The following DCK variants were observed in gnomAD, a reference collection of about 807,000 sequenced individuals.
DCK encodes deoxyadenosine kinase.
In DCK, 23 loss-of-function variants were observed where a neutral mutation model predicts 38.3. The ratio of observed to expected loss-of-function variants is 0.60; its 90% confidence interval spans 0.43 to 0.85. The LOEUF (loss-of-function observed/expected upper bound fraction) is 0.85. Among genes scored for constraint, DCK ranks in the 40% least tolerant of loss-of-function variants. DCK has a pLI of 0.00. For synonymous variants in DCK, 108 were observed against 100.6 expected (o/e 1.07, Z -0.44); for missense variants, 259 against 304.4 (o/e 0.85, Z 1.11).
chr4:71,015,287 G>A (rs959329574), intron 2 of DCK, among the ~76,000 whole-genome samples: 1 of 152,128 alleles, frequency 6.6e-6, no homozygotes, highest in South Asian at 2.1e-4. Flanking sequence ...TGAGGCAATA[G>A]TTAAGAGCCT....
chr4:71,028,757 T>TG, intron 6 of DCK: 1 of 217,386 alleles, frequency 4.6e-6, no homozygotes, highest in Non-Finnish European at 8.0e-6. Flanking sequence ...CATGCCTAGC[T>TG]AATTTTTTTT....
At chr4:71,014,024 T>C (rs1170315424) in intron 2 of DCK, among the ~76,000 whole-genome samples, 3 of 152,070 alleles carry the variant, frequency 2.0e-5, no homozygotes, top group Non-Finnish European at 4.4e-5. Context: ...AGGAGACCCA[T>C]CTCATGTGCA....
chr4:71,026,205 ATTAT>A (rs1289326827), intron 5 of DCK, among the ~76,000 whole-genome samples: 4 of 152,078 alleles, frequency 2.6e-5, no homozygotes, highest in Non-Finnish European at 5.9e-5. Flanking sequence ...ATATCTGAAC[ATTAT>A]TTAGGTACTC....
chr4:71,006,884 A>T (rs553734811), intron 2 of DCK, among the ~76,000 whole-genome samples: 1 of 152,322 alleles, frequency 6.6e-6, no homozygotes, highest in East Asian at 1.9e-4. Flanking sequence ...CTTTGATCTG[A>T]GGAGTACAGA....
At chr4:71,006,256 C>CA in intron 2 of DCK, 1 of 650,592 alleles carries the variant, frequency 1.5e-6, no homozygotes. Flanking sequence ...GCCAGACTTT[C>CA]ACTCTGGGCA....
chr4:71,006,584 G>A (rs1739947909), intron 2 of DCK, among the ~76,000 whole-genome samples: 1 of 152,120 alleles, frequency 6.6e-6, no homozygotes, highest in Non-Finnish European at 1.5e-5. Context: ...GAGGCCAGAG[G>A]ATCGCTTGAG....
chr4:71,010,090 T>C (rs1360798405), intron 2 of DCK, among the ~76,000 whole-genome samples: 1 of 152,150 alleles, frequency 6.6e-6, no homozygotes, highest in Non-Finnish European at 1.5e-5. Context: ...TTTGGAAGAA[T>C]TGGGCCTTTG....
intron 5 of DCK, 116 bp downstream of exon 5, chr4:71,026,047 T>A: frequency 8.1e-7 from 1 of 1,236,118 alleles, no homozygotes; most frequent in Non-Finnish European, 1.1e-6. Context: ...GTCGTTTTGC[T>A]TATTGGTATC....
chr4:71,008,349 A>G (rs1392839603), intron 2 of DCK, among the ~76,000 whole-genome samples: 2 of 151,672 alleles, frequency 1.3e-5, no homozygotes, highest in African/African-American at 4.8e-5. Context: ...TTTTTTGTTT[A>G]ATTTGTATTT....
chr4:70,997,460 C>T (rs1158311800), intron 1 of DCK, among the ~76,000 whole-genome samples: 1 of 152,174 alleles, frequency 6.6e-6, no homozygotes, highest in Non-Finnish European at 1.5e-5. Flanking sequence ...TCTAAACTGT[C>T]TACCTGTGTC....
intron 2 of DCK, among the ~76,000 whole-genome samples, chr4:71,019,980 G>A (rs111755859): frequency 0.041 from 6,188 of 152,198 alleles, 199 homozygotes; most frequent in Non-Finnish European, 0.062. Flanking sequence ...TAGAGACAGG[G>A]TTTCACCATG....
chr4:71,010,027 G>A (rs1372147010), intron 2 of DCK, among the ~76,000 whole-genome samples: 1 of 152,124 alleles, frequency 6.6e-6, no homozygotes, highest in African/African-American at 2.4e-5. Flanking sequence ...ACCTTGGCAA[G>A]GTCAGTCCTA....
In DCK at chr4:70,993,726, CG is replaced by C. The variant is rs1739592154; in HGVS notation, c.-108del. ...GGGCCGGTGAGCTCACTAGCTGACC[CG>C]GCAGGTCAGGATCTGGCTTAGCGGC... is the stretch of plus-strand genomic sequence containing the variant. On this transcript the variant is annotated 5_prime_UTR_variant, in exon 1 of 7. Transcript: ENST00000286648. 1.4e-6 allele frequency: 1 copy of C among 704,656 alleles called. No individual in the cohort carries two copies. Among genetic ancestry groups the C allele is most frequent in the Non-Finnish European group, 2.4e-6 (1 of 420,568 alleles). The allele number at this position is 704,656 out of a possible 1,614,324, so 43.7% of individuals were successfully genotyped here. A position where few individuals can be genotyped will look rare whatever the true frequency, so the allele number is the denominator to read the frequency against.
chr4:71,024,799 AAC>A (rs1386408972), intron 4 of DCK, among the ~76,000 whole-genome samples: 1 of 152,104 alleles, frequency 6.6e-6, no homozygotes, highest in African/African-American at 2.4e-5. Flanking sequence ...TTTTGCTTGA[AAC>A]ATTTATAGTC....
intron 2 of DCK, among the ~76,000 whole-genome samples, chr4:71,004,571 C>T (rs565291201): frequency 6.6e-6 from 1 of 152,340 alleles, no homozygotes; most frequent in South Asian, 2.1e-4. Context: ...CCACGCCTTC[C>T]CCCAGATGCT....
chr4:71,012,966 G>T (rs530012650), intron 2 of DCK, among the ~76,000 whole-genome samples: 28 of 152,136 alleles, frequency 1.8e-4, no homozygotes, highest in Non-Finnish European at 2.9e-5. Context: ...AAACTTCTCC[G>T]AGCTAAAGGA....
chr4:71,026,491 A>T (rs1355153675), intron 5 of DCK, among the ~76,000 whole-genome samples, 174 bp from the exon 6 acceptor site: 2 of 152,142 alleles, frequency 1.3e-5, no homozygotes, highest in East Asian at 3.8e-4. Context: ...TGGGCTCCAT[A>T]TGGTAAATCT....
At chr4:71,004,317 T>G (rs1257309633) in intron 2 of DCK, among the ~76,000 whole-genome samples, 1 of 152,186 alleles carries the variant, frequency 6.6e-6, no homozygotes, top group East Asian at 1.9e-4. Flanking sequence ...TGCTGCCTGC[T>G]CCTTCCTCAG....
intron 2 of DCK, among the ~76,000 whole-genome samples, chr4:71,016,049 A>C (rs948149998): frequency 1.2e-4 from 18 of 152,366 alleles, no homozygotes; most frequent in Admixed American, 1.1e-3. Flanking sequence ...GTCTCAGCCC[A>C]AAATCTCCTT....
Sources: allele counts gnomAD v4.1 joint callset (sites outside exome capture counted in the v4.1 genomes callset), GRCh38; gene constraint gnomAD v4.1.1; transcripts MANE v1.5; gene names NCBI Gene and HGNC (gene_info 2026-07-23, HGNC 2026-07-21).